Variants in ANK3 observed in about 807,000 individuals in gnomAD.
ANK3 encodes ankyrin-3.
Under a neutral mutation model 370.9 loss-of-function variants are expected in ANK3, and 57 were observed. That is an observed-to-expected ratio of 0.15 (90% CI 0.12 to 0.19). The LOEUF (loss-of-function observed/expected upper bound fraction) is 0.19, where lower values mean the gene tolerates loss of function less well. Ranked by LOEUF, ANK3 falls within the 10% of genes least tolerant of loss-of-function variation. The probability of loss-of-function intolerance (pLI) is 1.00; values close to 1 mark genes in which losing one functional copy is unlikely to be tolerated. For missense variants in ANK3, 4,439 were observed against 5,302.1 expected, an observed-to-expected ratio of 0.84 and a Z score of 5.06; for synonymous variants, 1,929 against 1,946.3, an observed-to-expected ratio of 0.99 and a Z score of 0.23.
chr10:60,389,291 GTT>G (rs2062867246), intron 1 of ANK3, 132 bp downstream of exon 1: 3 of 810,594 alleles, frequency 3.7e-6, no homozygotes. Context: ...TTTATCATCT[GTT>G]CCCAATTTAC....
At chr10:60,095,272 G>A (rs1232844747) in intron 28 of ANK3, among the ~76,000 whole-genome samples, 1 of 152,186 alleles carries the variant, frequency 6.6e-6, no homozygotes, top group African/African-American at 2.4e-5. Flanking sequence ...GAAATCAGCT[G>A]GGAATCAATG....
intron 15 of ANK3, 67 bp from the exon 16 acceptor site, chr10:60,196,310 G>C: frequency 7.1e-7 from 1 of 1,403,348 alleles, no homozygotes; most frequent in Non-Finnish European, 1.0e-6. Flanking sequence ...TTAGATTGAG[G>C]AAATGAAATT....
rs2082997876 is a variant in ANK3 at position 60,072,819 on chromosome 10, T to C, written c.8062A>G (p.Thr2688Ala). 6.2e-7 allele frequency: 1 copy of C among 1,614,156 alleles called. No individual in the cohort carries two copies. Among genetic ancestry groups the C allele is most frequent in the Middle Eastern group, 1.7e-4 (1 of 6,060 alleles). Residue 2688 changes from threonine (T) to alanine (A), a missense_variant, in exon 37 of 44, where the codon ACA becomes GCA. This residue lies in a region of ANK3 where 1,601 missense variants were observed against 1,731.7 expected (regional missense o/e 0.92). Coordinates refer to ENST00000280772, the MANE Select transcript of ANK3 (RefSeq NM_020987.5). Reference sequence around the variant, plus strand: ...GAAATACTTCCTTTGGCTTCCACTGTGGACTTGCTGTCCTCAGTCTGTTGG... The same window carrying C: ...GAAATACTTCCTTTGGCTTCCACTGCGGACTTGCTGTCCTCAGTCTGTTGG... The part of the protein sequence containing the change: ...LSQQTEDSKS[T>A]VEAKGSISQS...
At chr10:60,117,505 TAAA>T (rs1208321279) in intron 25 of ANK3, among the ~76,000 whole-genome samples, 1 of 151,808 alleles carries the variant, frequency 6.6e-6, no homozygotes, top group Non-Finnish European at 1.5e-5. Flanking sequence ...CCAGGGAAAA[TAAA>T]ATATTGTGCT....
chr10:60,109,072 G>A lies in ANK3; in HGVS notation c.2949-18C>T. Reference sequence around the variant, plus strand: ...CCAGAAACCTGAGGGGAGAAGATCAGAGGCCAATTCAAGGACGGAAATAAA... The same window carrying A: ...CCAGAAACCTGAGGGGAGAAGATCAAAGGCCAATTCAAGGACGGAAATAAA... On this transcript the variant is annotated intron_variant, in intron 26 of 43. Transcript: ENST00000280772. The A allele has an allele frequency of 6.3e-7, 1 of 1,599,758 alleles. No homozygotes were observed. Among genetic ancestry groups the A allele is most frequent in the Non-Finnish European group, 8.6e-7 (1 of 1,168,918 alleles).
At chr10:60,513,718 G>A (rs2076146230) in intron 2 of ANK3, among the ~76,000 whole-genome samples, 1 of 152,054 alleles carries the variant, frequency 6.6e-6, no homozygotes, top group South Asian at 2.1e-4. Flanking sequence ...ATCTTTTAAA[G>A]TAATGCATAG....
chr10:60,258,309 C>T (rs1390346560), intron 7 of ANK3, among the ~76,000 whole-genome samples: 6 of 152,214 alleles, frequency 3.9e-5, no homozygotes, highest in Non-Finnish European at 7.3e-5. Flanking sequence ...GCAGCAGACC[C>T]ATGAGCCTGA....
intron 26 of ANK3, among the ~76,000 whole-genome samples, chr10:60,113,052 T>A (rs895439367): frequency 6.6e-6 from 1 of 152,196 alleles, no homozygotes; most frequent in African/African-American, 2.4e-5. Flanking sequence ...TATCTAAAGA[T>A]ACACTAATTT....
At chr10:60,116,755 T>TA (rs1037543884) in intron 25 of ANK3, among the ~76,000 whole-genome samples, 466 of 136,414 alleles carry the variant, frequency 3.4e-3, no homozygotes, top group African/African-American at 0.012. Flanking sequence ...CCCCTCAGTC[T>TA]AAAAAAAAAG....
exon 1 of ANK3, chr10:60,733,387 C>A: frequency 8.3e-7 from 1 of 1,208,508 alleles, no homozygotes; most frequent in Non-Finnish European, 1.0e-6. Flanking sequence ...GCTCCTCGGG[C>A]CTCCAAACGT....
chr10:60,115,777 T>C (rs1241626464), intron 25 of ANK3, among the ~76,000 whole-genome samples: 3 of 151,966 alleles, frequency 2.0e-5, no homozygotes, highest in African/African-American at 7.3e-5. Context: ...AAGAAAACAG[T>C]ACAAGATGTG....
Position 60,700,304 on chromosome 10 carries a change from G to T in ANK3, c.57+32959C>A, listed in dbSNP as rs144917965. Among the ~76,000 whole-genome samples the T allele has an allele frequency of 8.2e-4, 125 of 152,208 alleles. 2 individuals are homozygous for T. The East Asian group carries it at 0.024, about 29-fold the overall frequency. ...CTGCTTATTACAGTAAGTTTTATGA[G>T]ATGTCTTAAGAATTAAAGTGTTCAC... is the stretch of plus-strand genomic sequence containing the variant. On this transcript the variant is annotated intron_variant, in intron 1 of 43. Transcript: ENST00000373827.
Position 60,196,254 on chromosome 10 carries a change from G to T in ANK3, c.1789-11C>A. 6.2e-7 allele frequency: 1 copy of T among 1,610,948 alleles called. No individual in the cohort carries two copies. Among genetic ancestry groups the T allele is most frequent in the South Asian group, 1.1e-5 (1 of 90,794 alleles). ...TGGTGTTAGCCCGCTCTGAAAACAC[G>T]TGCAGAAACAACAACCAGTGTCAAA... On this transcript the variant is annotated splice_polypyrimidine_tract_variant and intron_variant, in intron 15 of 43. Transcript: ENST00000280772.
chr10:60,154,662 G>A (rs766441830), intron 23 of ANK3, among the ~76,000 whole-genome samples: 12 of 152,114 alleles, frequency 7.9e-5, no homozygotes, highest in Non-Finnish European at 1.5e-4. Context: ...AGGCATGGTG[G>A]TGGGCGCCTG....
chr10:60,136,182 G>A (rs1465575976), intron 24 of ANK3, among the ~76,000 whole-genome samples: 2 of 152,026 alleles, frequency 1.3e-5, no homozygotes, highest in African/African-American at 4.8e-5. Flanking sequence ...AGCTTCCTAA[G>A]AGCAGGAATT....
intron 34 of ANK3, chr10:60,082,386 T>C: frequency 1.5e-6 from 1 of 683,200 alleles, no homozygotes; most frequent in South Asian, 2.1e-5. Flanking sequence ...AGCATAAAAA[T>C]CTATGCGCTA....
chr10:60,421,227 T>C (rs543223540), intron 2 of ANK3, among the ~76,000 whole-genome samples: 1 of 152,200 alleles, frequency 6.6e-6, no homozygotes, highest in Admixed American at 6.5e-5. Flanking sequence ...TTTGGGGTGA[T>C]AAAAGAATTT....
intron 25 of ANK3, among the ~76,000 whole-genome samples, chr10:60,130,816 A>T (rs2094021857): frequency 1.3e-5 from 2 of 152,332 alleles, no homozygotes; most frequent in South Asian, 4.1e-4. Flanking sequence ...ACAGAGATGC[A>T]TTAGCTTTTT....
intron 1 of ANK3, among the ~76,000 whole-genome samples, chr10:60,312,677 G>T (rs1308744641): frequency 6.6e-6 from 1 of 152,100 alleles, no homozygotes; most frequent in African/African-American, 2.4e-5. Context: ...AACAGGTTTC[G>T]CATCTCCCTT....
Sources: allele counts gnomAD v4.1 joint callset (sites outside exome capture counted in the v4.1 genomes callset), GRCh38; gene constraint gnomAD v4.1.1; regional missense constraint gnomAD v4.1.1; transcripts MANE v1.5; gene names NCBI Gene and HGNC (gene_info 2026-07-23, HGNC 2026-07-21).